Variants in EHMT1 observed in about 807,000 individuals in gnomAD.
EHMT1 encodes histone-lysine N-methyltransferase EHMT1.
Under a neutral mutation model 147.2 loss-of-function variants are expected in EHMT1, and 15 were observed. The ratio of observed to expected loss-of-function variants is 0.10; its 90% CI spans 0.07 to 0.16. The LOEUF (loss-of-function observed/expected upper bound fraction) is 0.16, where lower values mean the gene tolerates loss of function less well. Ranked by LOEUF, EHMT1 falls within the 10% of genes least tolerant of loss-of-function variation. The pLI, the probability that EHMT1 is intolerant of heterozygous loss-of-function variation, is 1.00. For missense variants in EHMT1, 1,587 were observed against 1,772.4 expected, an observed-to-expected ratio of 0.90 and a Z score of 1.88; for synonymous variants, 795 against 709.6, an observed-to-expected ratio of 1.12 and a Z score of -1.91.
chr9:137,717,497 C>G (rs1043343464), intron 3 of EHMT1, among the ~76,000 whole-genome samples: 3 of 151,144 alleles, frequency 2.0e-5, no homozygotes, highest in Non-Finnish European at 4.4e-5. Context: ...GTAGTCCCAG[C>G]TACTCAGGAG....
intron 1 of EHMT1, chr9:137,637,633 C>T (rs1247547929): frequency 6.6e-6 from 1 of 152,206 alleles, no homozygotes; most frequent in Non-Finnish European, 1.5e-5. Context: ...AGGCAAGTGC[C>T]TGTCGTTTTC....
At chr9:137,761,665 T>G (rs964514373) in intron 9 of EHMT1, among the ~76,000 whole-genome samples, 11 of 152,056 alleles carry the variant, frequency 7.2e-5, no homozygotes, top group Non-Finnish European at 1.5e-4. Flanking sequence ...CACCATGTTG[T>G]CCAGGAGGGT....
intron 1 of EHMT1, among the ~76,000 whole-genome samples, chr9:137,690,779 C>G (rs1451800419): frequency 6.6e-6 from 1 of 152,122 alleles, no homozygotes; most frequent in Non-Finnish European, 1.5e-5. Context: ...GTGATCATCA[C>G]TTGTGTATGT....
rs112506620 is a variant in EHMT1, at chr9:137,684,037, T to TG, written c.22-26930_22-26929insG. ...ACTGTTTTTTGTTTGTTTGTTTGTT[T>TG]TTTTGCTTGTTTTTTGAGACAGGGC... On this transcript the variant is annotated intron_variant, in intron 1 of 26. Transcript: ENST00000460843. Among the ~76,000 whole-genome samples the TG allele has an allele frequency of 6.9e-3, 1,043 of 152,168 alleles. 12 individuals are homozygous for TG. The highest frequency in any genetic ancestry group is 0.024 in the African/African-American group (987 of 41,496).
chr9:137,771,300 A>G (rs1449991374), intron 10 of EHMT1, among the ~76,000 whole-genome samples: 3 of 150,582 alleles, frequency 2.0e-5, no homozygotes, highest in Non-Finnish European at 2.9e-5. Flanking sequence ...CCTGAGTTCA[A>G]GTAGTTCTTG....
At chr9:137,766,380 C>T (rs1950218579) in intron 10 of EHMT1, among the ~76,000 whole-genome samples, 2 of 152,276 alleles carry the variant, frequency 1.3e-5, no homozygotes, top group South Asian at 2.1e-4. Flanking sequence ...TTGGGGAGGC[C>T]GAAGCAGGCA....
In EHMT1 at chr9:137,786,859, C is replaced by G. The variant is rs755306483; in HGVS notation, c.2383-3989C>G. 1.3e-5 allele frequency: 2 copies of G among 152,478 alleles called. No individual in the cohort carries two copies. The highest frequency in any genetic ancestry group is 2.9e-5 in the Non-Finnish European group (2 of 68,226). 9.4% of individuals were successfully genotyped at this position (152,478 alleles called of 1,614,324 possible). A position where few individuals can be genotyped will look rare whatever the true frequency, so the allele number is the denominator to read the frequency against. On this transcript the variant is annotated intron_variant, in intron 15 of 26. Transcript: ENST00000460843. This position sits in a 1 kb window ranked among gnomAD's most constrained non-coding sequence, Gnocchi z 4.3. ...CCTGGAGTCCACCCCAGCCTTTCGCCGGTGCTGGGGACATCAGCGTTCTGG... is the reference window on the plus strand; with the variant it reads ...CCTGGAGTCCACCCCAGCCTTTCGCGGGTGCTGGGGACATCAGCGTTCTGG...
At chr9:137,686,730 CTTTTTTTTT>C (rs34204547) in intron 1 of EHMT1, among the ~76,000 whole-genome samples, 1 of 111,010 alleles carries the variant, frequency 9.0e-6, no homozygotes. Context: ...CTCATTCTTT[CTTTTTTTTT>C]TTTTTTTTTG....
At chr9:137,631,752 C>A (rs1843645527) in intron 1 of EHMT1, among the ~76,000 whole-genome samples, 1 of 151,956 alleles carries the variant, frequency 6.6e-6, no homozygotes, top group African/African-American at 2.4e-5. Context: ...GTGGTGTGTG[C>A]CTGTAGACCC....
At chr9:137,767,453 T>C (rs1485781617) in intron 10 of EHMT1, among the ~76,000 whole-genome samples, 1 of 152,162 alleles carries the variant, frequency 6.6e-6, no homozygotes, top group African/African-American at 2.4e-5. Context: ...GGACCAGAAG[T>C]GTTTTGGATT....
intron 18 of EHMT1, among the ~76,000 whole-genome samples, chr9:137,810,294 A>ATGGGTCCGG (rs1954356593): frequency 7.4e-6 from 1 of 135,366 alleles, no homozygotes; most frequent in African/African-American, 3.1e-5. Context: ...CCTGCGTGAA[A>ATGGGTCCGG]GGCGCTCCTC....
chr9:137,711,113 C>T, intron 2 of EHMT1, 83 bp downstream of exon 2: 2 of 1,414,908 alleles, frequency 1.4e-6, no homozygotes. Context: ...CTTATTAGTC[C>T]CCGTCTTCTG....
At chr9:137,769,497 C>T (rs1950458382) in intron 10 of EHMT1, among the ~76,000 whole-genome samples, 1 of 152,118 alleles carries the variant, frequency 6.6e-6, no homozygotes, top group African/African-American at 2.4e-5. Context: ...ATACTTACTT[C>T]CAGGGACATA....
chr9:137,629,933 C>T (rs1345996085), intron 1 of EHMT1, among the ~76,000 whole-genome samples: 3 of 152,114 alleles, frequency 2.0e-5, no homozygotes, highest in East Asian at 3.8e-4. Flanking sequence ...TTTTGCTTCT[C>T]TTTAACTTTT....
At chr9:137,714,788 A>T (rs1352558613) in intron 2 of EHMT1, among the ~76,000 whole-genome samples, 1 of 151,952 alleles carries the variant, frequency 6.6e-6, no homozygotes, top group Non-Finnish European at 1.5e-5. Flanking sequence ...GGTTCAAGCG[A>T]TCATGCCTCC....
chr9:137,663,572 TCTTA>T lies in EHMT1; in HGVS notation c.21+44528_21+44531del, dbSNP rs996922007. 5.1e-4 allele frequency among the ~76,000 whole-genome samples: 77 copies of T among 152,330 alleles called. 1 individual carries two copies. Among genetic ancestry groups the T allele is most frequent in the African/African-American group, 1.8e-3 (74 of 41,584 alleles). On this transcript the variant is annotated intron_variant, in intron 1 of 26. Transcript: ENST00000460843. ...TTCCCATCTCCGTTTCTGCTCTCAA[TCTTA>T]CTTAAACATGTCACACTATTAATAA...
intron 1 of EHMT1, chr9:137,676,364 C>G (rs1345991300): frequency 1.3e-5 from 2 of 152,484 alleles, no homozygotes; most frequent in Non-Finnish European, 2.9e-5. Flanking sequence ...CCACCGCGCC[C>G]GGCCTATATT....
At position 137,822,458 on chromosome 9, in the gene EHMT1, G is replaced by T. The variant is rs145810488; in HGVS notation, c.3540+4320G>T. The stretch of plus-strand genomic sequence containing the variant: ...AAGAAACCGCTAGTTTTCCAAAGTG[G>T]TTATAGCACTTCCGTTCCCACCTCA... On this transcript the variant is annotated intron_variant, in intron 25 of 26. Coordinates refer to ENST00000460843, the MANE Select transcript of EHMT1 (RefSeq NM_024757.5). Among the ~76,000 whole-genome samples, 212 of 152,312 alleles carry T rather than the reference G, an allele frequency of 1.4e-3. 1 individual carries two copies. In the East Asian group the frequency reaches 0.025, roughly 18 times the overall value.
chr9:137,768,116 T>G (rs1950329380), intron 10 of EHMT1, among the ~76,000 whole-genome samples: 1 of 152,142 alleles, frequency 6.6e-6, no homozygotes, highest in African/African-American at 2.4e-5. Flanking sequence ...TTTAGGCTCA[T>G]GCAAGTACAG....
Sources: allele counts gnomAD v4.1 joint callset (sites outside exome capture counted in the v4.1 genomes callset), GRCh38; gene constraint gnomAD v4.1.1; non-coding constraint Gnocchi (gnomAD v3.1); transcripts MANE v1.5; gene names NCBI Gene and HGNC (gene_info 2026-07-23, HGNC 2026-07-21).